KCNIP4: variants seen among roughly 807,000 people sequenced by gnomAD.
KCNIP4 encodes the protein potassium voltage-gated channel interacting protein 4.
A neutral mutation model predicts 34.0 loss-of-function variants in KCNIP4; 12 were observed. The observed-to-expected ratio is 0.35, with a 90% CI of 0.23 to 0.57. The LOEUF (loss-of-function observed/expected upper bound fraction) is 0.57. KCNIP4 is among the 20% of genes least tolerant of loss of function. KCNIP4 has a pLI of 0.83. For missense variants in KCNIP4, 238 were observed against 311.7 expected (o/e 0.76, Z 1.78); for synonymous variants, 124 against 102.2 (o/e 1.21, Z -1.29).
chr4:21,463,313 T>C lies in KCNIP4; in HGVS notation c.61+485258A>G, dbSNP rs372848453. On this transcript the variant is annotated intron_variant, in intron 1 of 8. Coordinates refer to ENST00000382152, the MANE Select transcript of KCNIP4 (RefSeq NM_025221.6). ...TATACCTCTTTGTCATTTGAATGTC[T>C]TTTTTTGAGAAATGTCTAGTCAGGT... is the stretch of plus-strand genomic sequence containing the variant. Among the ~76,000 whole-genome samples the C allele has an allele frequency of 2.5e-3, 378 of 152,206 alleles. 2 individuals carry two copies. Among genetic ancestry groups the C allele is most frequent in the African/African-American group, 8.3e-3 (343 of 41,536 alleles).
At chr4:21,171,790 G>T (rs531809543) in intron 1 of KCNIP4, among the ~76,000 whole-genome samples, 1 of 152,236 alleles carries the variant, frequency 6.6e-6, no homozygotes, top group East Asian at 1.9e-4. Context: ...GATCTTAGTA[G>T]AGCACATGGA....
At chr4:21,279,576 G>T (rs1762651637) in intron 1 of KCNIP4, among the ~76,000 whole-genome samples, 1 of 150,190 alleles carries the variant, frequency 6.7e-6, no homozygotes, top group Non-Finnish European at 1.5e-5. Flanking sequence ...AGAAACAAGA[G>T]CTAATATTAA....
intron 3 of KCNIP4, among the ~76,000 whole-genome samples, chr4:20,780,147 C>G (rs937047360): frequency 6.6e-6 from 1 of 152,036 alleles, no homozygotes; most frequent in African/African-American, 2.4e-5. Flanking sequence ...CTGGTGATCC[C>G]AAAGGTCTTG....
At chr4:20,989,617 T>C (rs1389265715) in intron 1 of KCNIP4, among the ~76,000 whole-genome samples, 1 of 152,160 alleles carries the variant, frequency 6.6e-6, no homozygotes, top group East Asian at 1.9e-4. Flanking sequence ...ATCTAGGTCA[T>C]TGAAAATGAG....
chr4:21,297,703 A>G (rs1418936832), intron 1 of KCNIP4, among the ~76,000 whole-genome samples: 1 of 152,032 alleles, frequency 6.6e-6, no homozygotes, highest in Non-Finnish European at 1.5e-5. Flanking sequence ...CAGAGCTACA[A>G]TTATGTAAAT....
At chr4:21,097,288 A>G (rs1747546165) in intron 1 of KCNIP4, among the ~76,000 whole-genome samples, 1 of 152,228 alleles carries the variant, frequency 6.6e-6, no homozygotes, top group African/African-American at 2.4e-5. Flanking sequence ...AAAGATACAT[A>G]CTATAACATT....
chr4:21,746,592 TAA>T (rs11324541), intron 1 of KCNIP4, among the ~76,000 whole-genome samples: 17,999 of 149,980 alleles, frequency 0.12, 1,107 homozygotes, highest in Middle Eastern at 0.19. Flanking sequence ...CAAGAAAAAA[TAA>T]AAAAAAAAGC....
chr4:21,199,572 A>G (rs2108949139), intron 1 of KCNIP4, among the ~76,000 whole-genome samples: 2 of 152,208 alleles, frequency 1.3e-5, no homozygotes, highest in African/African-American at 4.8e-5. Context: ...CTTTAGTTTA[A>G]TTAGATCCCA....
At chr4:21,120,830 A>C (rs1347171185) in intron 1 of KCNIP4, among the ~76,000 whole-genome samples, 2 of 152,192 alleles carry the variant, frequency 1.3e-5, no homozygotes, top group Admixed American at 6.5e-5. Flanking sequence ...CGGTCTTACT[A>C]AATTAAGGCC....
intron 2 of KCNIP4, among the ~76,000 whole-genome samples, chr4:20,860,754 G>A (rs765930255): frequency 2.6e-5 from 4 of 152,074 alleles, no homozygotes; most frequent in Non-Finnish European, 5.9e-5. Context: ...GTCCAGTGGT[G>A]GATATTGGAG....
intron 3 of KCNIP4, among the ~76,000 whole-genome samples, chr4:20,780,980 G>A (rs774422405): frequency 4.6e-5 from 7 of 152,094 alleles, no homozygotes; most frequent in Non-Finnish European, 8.8e-5. Context: ...ATGTAGCCTC[G>A]TAGTTTCTCT....
chr4:21,061,239 G>A (rs899317483), intron 1 of KCNIP4, among the ~76,000 whole-genome samples: 7 of 151,766 alleles, frequency 4.6e-5, no homozygotes, highest in African/African-American at 7.3e-5. Context: ...AAATATATTC[G>A]GAGCTTTAAA....
chr4:21,208,135 C>A (rs1756979977), intron 1 of KCNIP4, among the ~76,000 whole-genome samples: 1 of 152,098 alleles, frequency 6.6e-6, no homozygotes, highest in Non-Finnish European at 1.5e-5. Flanking sequence ...CGCCACTGCA[C>A]CTGGCCTATA....
chr4:21,102,006 A>G (rs1217532367), intron 1 of KCNIP4, among the ~76,000 whole-genome samples: 2 of 152,166 alleles, frequency 1.3e-5, no homozygotes, highest in East Asian at 1.9e-4. Context: ...AGGAGGCCCA[A>G]GTGTACCTAA....
chr4:21,931,976 C>G (rs1254849281), intron 1 of KCNIP4, among the ~76,000 whole-genome samples: 1 of 152,020 alleles, frequency 6.6e-6, no homozygotes, highest in Non-Finnish European at 1.5e-5. Flanking sequence ...AGACAGTATA[C>G]AATTACACAT....
intron 1 of KCNIP4, among the ~76,000 whole-genome samples, chr4:21,237,304 G>C (rs954027582): frequency 4.6e-5 from 7 of 152,134 alleles, no homozygotes; most frequent in African/African-American, 1.7e-4. Context: ...TAACGAGGGA[G>C]ATGAATAATG....
At chr4:21,159,258 T>A (rs1275125351) in intron 1 of KCNIP4, among the ~76,000 whole-genome samples, 1 of 152,182 alleles carries the variant, frequency 6.6e-6, no homozygotes, top group Non-Finnish European at 1.5e-5. Context: ...ATTGGTGTAA[T>A]AAAAGACAAG....
At chr4:21,177,541 A>G (rs1381991330) in intron 1 of KCNIP4, among the ~76,000 whole-genome samples, 1 of 152,064 alleles carries the variant, frequency 6.6e-6, no homozygotes, top group African/African-American at 2.4e-5. Flanking sequence ...ATTATATTAC[A>G]TTTGGCAAGG....
chr4:21,904,112 A>T (rs12649683), intron 1 of KCNIP4, among the ~76,000 whole-genome samples: 1 of 151,878 alleles, frequency 6.6e-6, no homozygotes, highest in African/African-American at 2.4e-5. Context: ...AAATTTCAGA[A>T]ATCATGAATA....
Sources: gnomAD v4.1 joint callset for allele counts (sites outside exome capture counted in the v4.1 genomes callset) on GRCh38, gnomAD v4.1.1 for gene constraint, MANE v1.5 for transcripts, NCBI Gene and HGNC (gene_info 2026-07-23, HGNC 2026-07-21) for gene names.